Variants in ZCCHC4 observed in about 807,000 individuals in gnomAD.
ZCCHC4 encodes the protein rRNA N(6)-adenosine-methyltransferase ZCCHC4.
In ZCCHC4, 54 loss-of-function variants were observed where a neutral mutation model predicts 67.7. The ratio of observed to expected loss-of-function variants is 0.80; its 90% CI spans 0.64 to 1.00. The LOEUF is 1.00. Among genes scored for constraint, ZCCHC4 ranks in the 50% least tolerant of loss-of-function variants. ZCCHC4 has a pLI of 0.00. For synonymous variants in ZCCHC4, 198 were observed against 213.5 expected, an observed-to-expected ratio of 0.93 and a Z score of 0.63; for missense variants, 609 against 617.0, an observed-to-expected ratio of 0.99 and a Z score of 0.14.
intron 6 of ZCCHC4, among the ~76,000 whole-genome samples, chr4:25,349,232 A>G (rs906925256): frequency 1.3e-5 from 2 of 152,200 alleles, no homozygotes; most frequent in East Asian, 3.8e-4. Flanking sequence ...TAATTTAACC[A>G]TTTGAAATGT....
intron 3 of ZCCHC4, among the ~76,000 whole-genome samples, chr4:25,321,029 A>T (rs1381488679): frequency 6.6e-6 from 1 of 152,164 alleles, no homozygotes; most frequent in Admixed American, 6.5e-5. Flanking sequence ...GGTGATAGGT[A>T]GTCCTTTTGA....
chr4:25,320,653 C>T (rs1718536433), intron 3 of ZCCHC4, among the ~76,000 whole-genome samples: 1 of 152,130 alleles, frequency 6.6e-6, no homozygotes, highest in African/African-American at 2.4e-5. Flanking sequence ...TTTAGAAGGC[C>T]ATGTGTCTGA....
chr4:25,340,638 C>G (rs1000396824), intron 5 of ZCCHC4, among the ~76,000 whole-genome samples: 1 of 151,704 alleles, frequency 6.6e-6, no homozygotes, highest in Admixed American at 6.5e-5. Flanking sequence ...AGATGTCCTT[C>G]CATTTCTTTA....
chr4:25,340,789 G>A (rs1212279799), intron 5 of ZCCHC4, among the ~76,000 whole-genome samples: 2 of 152,074 alleles, frequency 1.3e-5, no homozygotes, highest in Non-Finnish European at 2.9e-5. Flanking sequence ...ATTTTGTGGT[G>A]TTAATAGTAC....
intron 12 of ZCCHC4, among the ~76,000 whole-genome samples, chr4:25,367,788 A>T (rs1721009076): frequency 6.6e-6 from 1 of 152,218 alleles, no homozygotes; most frequent in Non-Finnish European, 1.5e-5. Context: ...CATAATAGTC[A>T]TGTGGAACTA....
chr4:25,324,014 G>GTTTTTTGTTTTTTTTTTTT (rs1553895907), intron 3 of ZCCHC4, among the ~76,000 whole-genome samples: 1 of 82,448 alleles, frequency 1.2e-5, no homozygotes, highest in African/African-American at 5.2e-5. Context: ...TGTTTTTTGT[G>GTTTTTTGTTTTTTTTTTTT]TTTTTTTTTT....
chr4:25,339,795 A>G (rs995607442), intron 5 of ZCCHC4, among the ~76,000 whole-genome samples: 2 of 151,886 alleles, frequency 1.3e-5, no homozygotes, highest in Non-Finnish European at 2.9e-5. Flanking sequence ...GCCTAATCCA[A>G]TGAGTGTCTA....
intron 10 of ZCCHC4, among the ~76,000 whole-genome samples, chr4:25,363,319 G>A (rs907895246): frequency 6.6e-6 from 1 of 152,092 alleles, no homozygotes; most frequent in Non-Finnish European, 1.5e-5. Context: ...GGCATTAAAG[G>A]TTCCTTCATG....
intron 3 of ZCCHC4, among the ~76,000 whole-genome samples, chr4:25,322,005 C>T (rs547257852): frequency 4.6e-5 from 7 of 152,282 alleles, no homozygotes; most frequent in South Asian, 2.1e-4. Context: ...CAAGTTTTCA[C>T]GAGGTCTGAA....
In ZCCHC4 at chr4:25,364,437, G is replaced by GT. The variant is rs368369900; in HGVS notation, c.1210-6dup. On this transcript the variant is annotated splice_polypyrimidine_tract_variant and intron_variant, in intron 10 of 12. Coordinates refer to ENST00000302874, the MANE Select transcript of ZCCHC4 (RefSeq NM_024936.3). ...ACAAATTAATTATAATTTAAAAATT[G>GT]TTTTTTTTTTTGGTAGGATGGCAGG... The GT allele has an allele frequency of 0.09, 85,306 of 945,772 alleles. 3 individuals are homozygous for GT. Among genetic ancestry groups the GT allele is most frequent in the Non-Finnish European group, 0.097 (67,093 of 692,642 alleles). The allele number at this position is 945,772 out of a possible 1,614,324, so 58.6% of individuals were successfully genotyped here.
Position 25,352,248 on chromosome 4 carries a change from T to C in ZCCHC4, c.1011+559T>C, listed in dbSNP as rs74345452. The C allele has an allele frequency of 3.4e-3, 3,383 of 985,408 alleles. 8 individuals carry two copies. Among genetic ancestry groups the C allele is most frequent in the Non-Finnish European group, 3.8e-3 (3,154 of 829,952 alleles). The allele number at this position is 985,408 out of a possible 1,614,324, so 61.0% of individuals were successfully genotyped here. A position where few individuals can be genotyped will look rare whatever the true frequency, so the allele number is the denominator to read the frequency against. The stretch of plus-strand genomic sequence containing the variant: ...ACTTCACAGCAATGACTATGGAATT[T>C]TCCCCCTGCCTGAAATGAGAATGAG... On this transcript the variant is annotated intron_variant, in intron 8 of 12. Transcript: ENST00000302874.
At chr4:25,349,392 C>T (rs1262092710) in intron 6 of ZCCHC4, 100 bp from the exon 7 acceptor site, 6 of 1,145,300 alleles carry the variant, frequency 5.2e-6, no homozygotes, top group East Asian at 2.5e-5. Context: ...GTAAAGTTTC[C>T]AGTATTAAGA....
intron 5 of ZCCHC4, among the ~76,000 whole-genome samples, chr4:25,344,730 T>C (rs1347681535): frequency 6.6e-6 from 1 of 151,690 alleles, no homozygotes; most frequent in Non-Finnish European, 1.5e-5. Context: ...ATGAAATGCA[T>C]ATACTTTCTC....
intron 3 of ZCCHC4, among the ~76,000 whole-genome samples, chr4:25,328,255 T>C (rs78073691): frequency 1.3e-5 from 2 of 152,288 alleles, no homozygotes; most frequent in South Asian, 4.2e-4. Flanking sequence ...CTTTTTTTTT[T>C]CCAAGACGGA....
At chr4:25,323,127 C>G (rs1718672846) in intron 3 of ZCCHC4, among the ~76,000 whole-genome samples, 2 of 152,186 alleles carry the variant, frequency 1.3e-5, no homozygotes, top group South Asian at 4.1e-4. Flanking sequence ...CCCCATCAGC[C>G]CTTTGTCTAA....
chr4:25,317,020 G>T (rs1200372005), intron 3 of ZCCHC4, among the ~76,000 whole-genome samples: 2 of 152,190 alleles, frequency 1.3e-5, no homozygotes, highest in South Asian at 2.1e-4. Context: ...TTGAGTCATA[G>T]ATGTAATTTT....
At chr4:25,365,310 G>A in intron 12 of ZCCHC4, 144 bp downstream of exon 12, 1 of 1,428,150 alleles carries the variant, frequency 7.0e-7, no homozygotes, top group Admixed American at 2.8e-5. Context: ...ATAGATGGAT[G>A]GAGGGAGGAG....
At position 25,359,223 on chromosome 4, in the gene ZCCHC4, AG is replaced by A. The variant is rs1219451068; in HGVS notation, c.1012-2635del. 3.3e-5 allele frequency among the ~76,000 whole-genome samples: 5 copies of A among 152,168 alleles called. No individual in the cohort carries two copies. The highest frequency in any genetic ancestry group is 7.4e-5 in the Non-Finnish European group (5 of 68,026). ...AAATGCAGAGCACTGAGAAGGAATG[AG>A]CTTTTGCCAGCAGAGTTGGATGGGC... On this transcript the variant is annotated intron_variant, in intron 8 of 12. Transcript: ENST00000302874. This position sits in a 1 kb window ranked among gnomAD's most constrained non-coding sequence, Gnocchi z 4.9.
chr4:25,353,176 G>C (rs1241314649), intron 8 of ZCCHC4, among the ~76,000 whole-genome samples: 1 of 152,000 alleles, frequency 6.6e-6, no homozygotes, highest in Non-Finnish European at 1.5e-5. Flanking sequence ...ACCTTTTAAG[G>C]TAATATAAAT....
Sources: allele counts gnomAD v4.1 joint callset (sites outside exome capture counted in the v4.1 genomes callset), GRCh38; gene constraint gnomAD v4.1.1; non-coding constraint Gnocchi (gnomAD v3.1); transcripts MANE v1.5; gene names NCBI Gene and HGNC (gene_info 2026-07-23, HGNC 2026-07-21).